The following KANK1 variants were observed in gnomAD, a reference collection of about 807,000 sequenced individuals.
KANK1 encodes the protein KN motif and ankyrin repeat domain-containing protein 1.
Under a neutral mutation model 106.2 loss-of-function variants are expected in KANK1, and 109 were observed. The observed-to-expected ratio is 1.03, with a 90% CI of 0.88 to 1.20. KANK1 has a LOEUF of 1.20. KANK1 is among the 50% of genes most tolerant of loss of function. KANK1 has a pLI of 0.00. For missense variants in KANK1, 2,399 were observed against 1,710.7 expected (o/e 1.40, Z -7.10); for synonymous variants, 873 against 652.2 (o/e 1.34, Z -5.16).
intron 1 of KANK1, among the ~76,000 whole-genome samples, chr9:620,065 A>T (rs1832773690): frequency 6.6e-6 from 1 of 151,942 alleles, no homozygotes; most frequent in Admixed American, 6.6e-5. Flanking sequence ...TGAACCTCGG[A>T]GGCAGAGGTT....
chr9:744,276 C>G (rs1249533524), intron 10 of KANK1, among the ~76,000 whole-genome samples: 1 of 152,208 alleles, frequency 6.6e-6, no homozygotes, highest in African/African-American at 2.4e-5. Context: ...ATCCTCTTAA[C>G]TGGGACCTCT....
In KANK1 at chr9:684,288, A is replaced by G. The variant is rs188159867; in HGVS notation, c.37+7279A>G. 5 of 985,290 alleles carry G rather than the reference A, an allele frequency of 5.1e-6. No homozygotes were observed. The Admixed American group carries it at 2.5e-4, about 48-fold the overall frequency. The allele number at this position is 985,290 out of a possible 1,614,324, so 61.0% of individuals were successfully genotyped here. On this transcript the variant is annotated intron_variant, in intron 2 of 11. Coordinates refer to ENST00000382297, the MANE Select transcript of KANK1 (RefSeq NM_015158.5). ...TTTATCTTCCAGTGAGTACCAGCCTATTTGAGTGTAGGAAGGAGAAAAATC... is the reference window on the plus strand; with the variant it reads ...TTTATCTTCCAGTGAGTACCAGCCTGTTTGAGTGTAGGAAGGAGAAAAATC...
At chr9:745,082 C>T (rs1836839506) in intron 11 of KANK1, 91 bp from the exon 12 acceptor site, 2 of 1,551,422 alleles carry the variant, frequency 1.3e-6, no homozygotes, top group East Asian at 2.3e-5. Flanking sequence ...CTGCTTGTTG[C>T]CTGTGGTGGG....
rs748306130 is a variant in KANK1 at position 744,467 on chromosome 9, T to A, written c.3898-24T>A. 10 of 1,606,770 alleles carry A rather than the reference T, an allele frequency of 6.2e-6. No individual in the cohort carries two copies. The South Asian group carries it at 1.1e-4, about 18-fold the overall frequency. On this transcript the variant is annotated intron_variant, in intron 10 of 11. Coordinates refer to ENST00000382297, the MANE Select transcript of KANK1 (RefSeq NM_015158.5). ...GGAGGTTTGAGAAACCCAACATGGC[T>A]TGTTCTTTCCATCTTATCTTAAGGA...
chr9:547,240 C>G (rs927352429), intron 1 of KANK1: 1 of 152,180 alleles, frequency 6.6e-6, no homozygotes, highest in Non-Finnish European at 1.5e-5. Context: ...CCTCTAACGT[C>G]AGGCTGGCAG....
At chr9:580,092 G>A (rs1236814937) in intron 1 of KANK1, among the ~76,000 whole-genome samples, 1 of 152,154 alleles carries the variant, frequency 6.6e-6, no homozygotes, top group Non-Finnish European at 1.5e-5. Flanking sequence ...GTTCGTACGT[G>A]TTCAGAGTTT....
At chr9:578,887 A>G (rs2135195664) in intron 1 of KANK1, among the ~76,000 whole-genome samples, 1 of 152,322 alleles carries the variant, frequency 6.6e-6, no homozygotes, top group East Asian at 1.9e-4. Context: ...CCCATCTCGA[A>G]GATGACGAGC....
intron 1 of KANK1, among the ~76,000 whole-genome samples, chr9:552,304 A>C (rs1385979508): frequency 6.6e-6 from 1 of 152,212 alleles, no homozygotes; most frequent in Non-Finnish European, 1.5e-5. Context: ...AGAAGCAAGA[A>C]GACCAATTAG....
At chr9:705,508 C>T (rs1004075018) in intron 2 of KANK1, among the ~76,000 whole-genome samples, 1 of 151,382 alleles carries the variant, frequency 6.6e-6, no homozygotes, top group South Asian at 2.1e-4. Context: ...CTTCAGTAAA[C>T]GTTGTCAGAC....
At chr9:583,206 A>G (rs1822608943) in intron 1 of KANK1, among the ~76,000 whole-genome samples, 2 of 152,174 alleles carry the variant, frequency 1.3e-5, no homozygotes, top group African/African-American at 4.8e-5. Context: ...CTTTTTTAGG[A>G]TCAATACAGA....
chr9:586,067 G>T (rs1194013075), intron 1 of KANK1, among the ~76,000 whole-genome samples: 1 of 152,208 alleles, frequency 6.6e-6, no homozygotes, highest in Admixed American at 6.5e-5. Flanking sequence ...AGTACCTGCT[G>T]TGTGATCTGT....
chr9:615,938 A>G (rs1382417623), intron 1 of KANK1, among the ~76,000 whole-genome samples: 1 of 152,142 alleles, frequency 6.6e-6, no homozygotes, highest in African/African-American at 2.4e-5. Flanking sequence ...CTGATAGCAT[A>G]TGTTCAACAG....
At chr9:528,941 A>C (rs1045955097) in intron 1 of KANK1, among the ~76,000 whole-genome samples, 1 of 152,046 alleles carries the variant, frequency 6.6e-6, no homozygotes, top group African/African-American at 2.4e-5. Context: ...CTGGGACTAC[A>C]GGTGCATACC....
chr9:516,998 TACACACACACACAC>T (rs148954863), intron 1 of KANK1, among the ~76,000 whole-genome samples: 4 of 145,478 alleles, frequency 2.7e-5, no homozygotes, highest in African/African-American at 5.3e-5. Context: ...CATCACCCTC[TACACACACACACAC>T]ACACACACAC....
intron 1 of KANK1, among the ~76,000 whole-genome samples, chr9:545,786 C>T (rs970014079): frequency 6.9e-6 from 1 of 145,154 alleles, no homozygotes; most frequent in Non-Finnish European, 1.5e-5. Context: ...TGCTCTGTCG[C>T]CCAGGATGGA....
chr9:659,025 T>C (rs1328292174), intron 1 of KANK1, among the ~76,000 whole-genome samples: 1 of 152,176 alleles, frequency 6.6e-6, no homozygotes, highest in Non-Finnish European at 1.5e-5. Flanking sequence ...TTCTCCTTCG[T>C]AGCATTTAGC....
rs1038434089 is a variant in KANK1 at position 693,584 on chromosome 9, C to T, written c.37+16575C>T. 5 of 985,328 alleles carry T rather than the reference C, an allele frequency of 5.1e-6. 1 individual carries two copies. The highest frequency in any genetic ancestry group is 4.7e-5 in the South Asian group (1 of 21,284). 61.0% of individuals were successfully genotyped at this position (985,328 alleles called of 1,614,324 possible). A position where few individuals can be genotyped will look rare whatever the true frequency, so the allele number is the denominator to read the frequency against. Reference sequence around the variant, plus strand: ...TTGGTAATTTTTGCTGTCTCACTGACGCCAAGAGTCCTGGAATTAAACCCC... The same window carrying T: ...TTGGTAATTTTTGCTGTCTCACTGATGCCAAGAGTCCTGGAATTAAACCCC... On this transcript the variant is annotated intron_variant, in intron 2 of 11. Transcript: ENST00000382297.
intron 1 of KANK1, among the ~76,000 whole-genome samples, chr9:521,397 G>A (rs1352872659): frequency 6.6e-6 from 1 of 151,440 alleles, no homozygotes; most frequent in Non-Finnish European, 1.5e-5. Context: ...AAAAGTAGGT[G>A]CACCAAGCCT....
chr9:567,849 G>A (rs1323957676), intron 1 of KANK1, among the ~76,000 whole-genome samples: 1 of 152,166 alleles, frequency 6.6e-6, no homozygotes, highest in Non-Finnish European at 1.5e-5. Flanking sequence ...CAGTATAGAA[G>A]TTTGCAGATG....
Sources: allele counts gnomAD v4.1 joint callset (sites outside exome capture counted in the v4.1 genomes callset), GRCh38; gene constraint gnomAD v4.1.1; transcripts MANE v1.5; gene names NCBI Gene and HGNC (gene_info 2026-07-23, HGNC 2026-07-21).